C1orf21: variants seen among roughly 807,000 people sequenced by gnomAD.
C1orf21 encodes chromosome 1 open reading frame 21.
A neutral mutation model predicts 18.7 loss-of-function variants in C1orf21; 3 were observed. The ratio of observed to expected loss-of-function variants is 0.16; its 90% CI spans 0.07 to 0.42. C1orf21 has a LOEUF of 0.42. C1orf21 is among the 10% of genes least tolerant of loss of function. C1orf21 has a pLI of 0.99. For synonymous variants in C1orf21, 41 were observed against 46.4 expected, an observed-to-expected ratio of 0.88 and a Z score of 0.47; for missense variants, 104 against 143.6, an observed-to-expected ratio of 0.72 and a Z score of 1.41.
chr1:184,406,804 T>C (rs1257045490), intron 1 of C1orf21, among the ~76,000 whole-genome samples: 2 of 152,178 alleles, frequency 1.3e-5, no homozygotes, highest in African/African-American at 4.8e-5. Flanking sequence ...ATTTTTCTTT[T>C]TATTTTTTGA....
At chr1:184,605,939 C>A (rs1264175284) in intron 5 of C1orf21, among the ~76,000 whole-genome samples, 1 of 152,152 alleles carries the variant, frequency 6.6e-6, no homozygotes, top group Non-Finnish European at 1.5e-5. Flanking sequence ...TAAACCGAAC[C>A]TGAAAATGCA....
At chr1:184,403,487 G>C (rs1656197041) in intron 1 of C1orf21, among the ~76,000 whole-genome samples, 1 of 152,200 alleles carries the variant, frequency 6.6e-6, no homozygotes, top group African/African-American at 2.4e-5. Context: ...CTGGGGTGAA[G>C]GGTATGTTGT....
At chr1:184,513,964 G>C (rs1658187895) in intron 3 of C1orf21, among the ~76,000 whole-genome samples, 1 of 152,166 alleles carries the variant, frequency 6.6e-6, no homozygotes, top group African/African-American at 2.4e-5. Context: ...CCTAGTCAGT[G>C]GTTCCTTGCT....
At chr1:184,595,801 A>G (rs1251472589) in intron 4 of C1orf21, among the ~76,000 whole-genome samples, 1 of 152,152 alleles carries the variant, frequency 6.6e-6, no homozygotes, top group Non-Finnish European at 1.5e-5. Context: ...CTTTCCTAAC[A>G]CAACCCATGC....
chr1:184,458,001 T>C (rs1657247072), intron 1 of C1orf21, among the ~76,000 whole-genome samples: 1 of 152,224 alleles, frequency 6.6e-6, no homozygotes, highest in Admixed American at 6.5e-5. Flanking sequence ...GTAGATAGTA[T>C]TATACCCATT....
At chr1:184,618,175 G>A (rs1050002846) in intron 5 of C1orf21, among the ~76,000 whole-genome samples, 5 of 152,100 alleles carry the variant, frequency 3.3e-5, no homozygotes, top group Admixed American at 6.6e-5. Flanking sequence ...CTCCCAAAGT[G>A]CGGGATTACA....
chr1:184,457,330 C>T (rs534699893), intron 1 of C1orf21, among the ~76,000 whole-genome samples: 38 of 152,188 alleles, frequency 2.5e-4, no homozygotes, highest in Admixed American at 5.9e-4. Context: ...TCTCCTGATG[C>T]GTAGACTAAC....
intron 3 of C1orf21, among the ~76,000 whole-genome samples, chr1:184,582,107 C>A (rs1571287978): frequency 6.6e-6 from 1 of 152,150 alleles, no homozygotes; most frequent in Middle Eastern, 3.2e-3. Flanking sequence ...GTCAAGGTGG[C>A]TTCTCTGATC....
chr1:184,478,564 G>A (rs566122974), intron 2 of C1orf21, among the ~76,000 whole-genome samples: 17 of 152,194 alleles, frequency 1.1e-4, no homozygotes, highest in South Asian at 4.1e-4. Context: ...AATTGCCCCT[G>A]CAGCCAGGCT....
chr1:184,492,435 A>G (rs1331700183), intron 2 of C1orf21, among the ~76,000 whole-genome samples: 3 of 152,224 alleles, frequency 2.0e-5, no homozygotes, highest in Admixed American at 2.0e-4. Flanking sequence ...GCCATTGGCA[A>G]GATTATATAT....
chr1:184,393,440 CAT>C (rs1182366389), intron 1 of C1orf21, among the ~76,000 whole-genome samples: 1 of 152,210 alleles, frequency 6.6e-6, no homozygotes, highest in Non-Finnish European at 1.5e-5. Context: ...CATCTCAACA[CAT>C]GTGTTTATAG....
chr1:184,510,909 A>T (rs1005829449), intron 3 of C1orf21, among the ~76,000 whole-genome samples: 1 of 152,220 alleles, frequency 6.6e-6, no homozygotes, highest in African/African-American at 2.4e-5. Flanking sequence ...AAGAGGTAGT[A>T]AGTCTGAACC....
intron 1 of C1orf21, among the ~76,000 whole-genome samples, chr1:184,418,403 A>C (rs899134222): frequency 4.6e-5 from 7 of 152,202 alleles, no homozygotes; most frequent in Admixed American, 2.0e-4. Context: ...TTGTAGAGAT[A>C]GGGTTTCACC....
At chr1:184,575,747 G>T (rs1659177328) in intron 3 of C1orf21, among the ~76,000 whole-genome samples, 1 of 151,910 alleles carries the variant, frequency 6.6e-6, no homozygotes, top group Admixed American at 6.6e-5. Flanking sequence ...AATTAGAGAG[G>T]TTTTAGCTAT....
At chr1:184,468,190 G>A (rs986208937) in intron 1 of C1orf21, among the ~76,000 whole-genome samples, 1 of 152,116 alleles carries the variant, frequency 6.6e-6, no homozygotes, top group African/African-American at 2.4e-5. Context: ...GAAGACTTTC[G>A]GATAGTCAGG....
At chr1:184,582,583 A>G (rs934310091) in intron 3 of C1orf21, among the ~76,000 whole-genome samples, 1 of 152,220 alleles carries the variant, frequency 6.6e-6, no homozygotes, top group African/African-American at 2.4e-5. Flanking sequence ...TGTAAGACAG[A>G]CTTCCTATTG....
intron 3 of C1orf21, among the ~76,000 whole-genome samples, chr1:184,564,530 A>G (rs564705117): frequency 6.6e-6 from 1 of 151,322 alleles, no homozygotes; most frequent in Non-Finnish European, 1.5e-5. Context: ...CTGGTCTTGA[A>G]CTCCTGACCT....
chr1:184,433,058 C>T (rs1032672451), intron 1 of C1orf21, among the ~76,000 whole-genome samples: 9 of 152,198 alleles, frequency 5.9e-5, no homozygotes, highest in African/African-American at 1.9e-4. Context: ...ACAAATAGCT[C>T]TCTTTGCTGA....
chr1:184,522,825 CCACAGG>C (rs2101969870), intron 3 of C1orf21, among the ~76,000 whole-genome samples: 1 of 152,236 alleles, frequency 6.6e-6, no homozygotes, highest in African/African-American at 2.4e-5. Flanking sequence ...GTAGCTGGGA[CCACAGG>C]CATATACCAC....
Sources: allele counts gnomAD v4.1 joint callset (sites outside exome capture counted in the v4.1 genomes callset), GRCh38; gene constraint gnomAD v4.1.1; transcripts MANE v1.5; gene names NCBI Gene and HGNC (gene_info 2026-07-23, HGNC 2026-07-21).